Variants in ANK3 observed in about 807,000 individuals in gnomAD.
ANK3 encodes the protein ankyrin-3.
Under a neutral mutation model 370.9 loss-of-function variants are expected in ANK3, and 57 were observed. The ratio of observed to expected loss-of-function variants is 0.15; its 90% CI spans 0.12 to 0.19. ANK3 has a LOEUF of 0.19. ANK3 is among the 10% of genes least tolerant of loss of function. The probability of loss-of-function intolerance (pLI) is 1.00; values close to 1 mark genes in which losing one functional copy is unlikely to be tolerated. For synonymous variants in ANK3, 1,929 were observed against 1,946.3 expected (o/e 0.99, Z 0.23); for missense variants, 4,439 against 5,302.1 (o/e 0.84, Z 5.06).
In ANK3 at chr10:60,067,967, A is replaced by G; in HGVS notation, c.12287T>C (p.Ile4096Thr). 1.2e-6 allele frequency: 2 copies of G among 1,610,876 alleles called. No individual in the cohort carries two copies. The highest frequency in any genetic ancestry group is 1.1e-5 in the South Asian group (1 of 90,828). The change falls in exon 38 of 44, where the codon ATA (isoleucine) becomes ACA (threonine). Residue 4096 changes from isoleucine (I) to threonine (T), a missense_variant. By Grantham distance (89) the Ile-to-Thr change is moderately conservative. Transcript: ENST00000280772. Reference protein sequence around the residue: ...PCERTDIRMAIVADHLGLSWT... With the variant: ...PCERTDIRMATVADHLGLSWT... ...ACTAAGTCCCAGGTGATCGGCTACT[A>G]TTGCCATCCTGATATCTGTCCGTTC...
intron 25 of ANK3, among the ~76,000 whole-genome samples, chr10:60,132,371 C>G (rs867224194): frequency 6.6e-6 from 1 of 151,990 alleles, no homozygotes; most frequent in Non-Finnish European, 1.5e-5. Flanking sequence ...AGGTATTTCC[C>G]GTGCTGTTCT....
At chr10:60,154,782 G>A (rs1480442473) in intron 23 of ANK3, among the ~76,000 whole-genome samples, 1 of 152,220 alleles carries the variant, frequency 6.6e-6, no homozygotes, top group East Asian at 1.9e-4. Context: ...GCAACAGAGT[G>A]AGACTGTCTC....
At chr10:60,270,099 A>C (rs1301843151) in intron 5 of ANK3, 32 bp downstream of exon 5, 1 of 1,441,794 alleles carries the variant, frequency 6.9e-7, no homozygotes, top group Non-Finnish European at 9.4e-7. Context: ...TAAATACGTG[A>C]ACTCACCCAC....
At chr10:60,383,624 G>A (rs565563274) in intron 1 of ANK3, among the ~76,000 whole-genome samples, 2 of 152,192 alleles carry the variant, frequency 1.3e-5, no homozygotes, top group South Asian at 4.2e-4. Context: ...AGACAGACAT[G>A]TAAACACATA....
rs772604047 is a variant in ANK3, at chr10:60,108,920, T to C, written c.3083A>G (p.His1028Arg). The C allele has an allele frequency of 5.0e-6, 8 of 1,613,996 alleles. No individual in the cohort carries two copies. The highest frequency in any genetic ancestry group is 5.9e-6 in the Non-Finnish European group (7 of 1,179,988). ...CATGGGGGGTGGGTTGGCCAGTTTA[T>C]GTCTCTTTACCAAACGGCAGGTGAT... ...TRITCRLVKR[H>R]KLANPPPMVE... Residue 1028 changes from histidine to arginine, a missense_variant, in exon 27 of 44, where the codon CAT (histidine) becomes CGT (arginine). His to Arg is a conservative substitution (Grantham distance 29, BLOSUM62 0). Coordinates refer to ENST00000280772, the MANE Select transcript of ANK3 (RefSeq NM_020987.5).
At chr10:60,160,213 C>T (rs565534474) in intron 23 of ANK3, among the ~76,000 whole-genome samples, 24 of 151,866 alleles carry the variant, frequency 1.6e-4, no homozygotes, top group African/African-American at 5.3e-4. Context: ...GGGATGAAAA[C>T]GGAGACATTA....
rs2094235255 is a variant in ANK3, at chr10:60,134,383, T to G, written c.2739-10A>C. On this transcript the variant is annotated splice_polypyrimidine_tract_variant and intron_variant, in intron 24 of 43. Transcript: ENST00000280772. ...ACTGAAGGAGCGGAGGCTGTTGTAT[T>G]TACAGTTAACCATTCAACAGTGGTA... 1.9e-6 allele frequency: 3 copies of G among 1,607,084 alleles called. No individual in the cohort carries two copies. The South Asian group carries it at 3.3e-5, about 18-fold the overall frequency.
In ANK3 at chr10:60,266,194, C is replaced by T. The variant is rs184212088; in HGVS notation, c.514-2174G>A. Among the ~76,000 whole-genome samples the T allele has an allele frequency of 8.5e-4, 130 of 152,206 alleles. 1 individual carries two copies. The highest frequency in any genetic ancestry group is 3.0e-3 in the African/African-American group (126 of 41,520). ...ACAAAAACGATATCATAGGTTTACACTTAAAGACAGGAACTTTAGGATATA... is the reference window on the plus strand; with the variant it reads ...ACAAAAACGATATCATAGGTTTACATTTAAAGACAGGAACTTTAGGATATA... On this transcript the variant is annotated intron_variant, in intron 5 of 43. Coordinates refer to ENST00000280772, the MANE Select transcript of ANK3 (RefSeq NM_020987.5).
chr10:60,374,286 T>C (rs996950841), intron 1 of ANK3, among the ~76,000 whole-genome samples: 7 of 152,146 alleles, frequency 4.6e-5, no homozygotes, highest in African/African-American at 1.7e-4. Flanking sequence ...ATCAGATGTC[T>C]TCAGAAAAAC....
chr10:60,674,323 C>T (rs1369331357), intron 1 of ANK3, among the ~76,000 whole-genome samples: 8 of 152,144 alleles, frequency 5.3e-5, no homozygotes, highest in African/African-American at 1.9e-4. Context: ...GTTCTGCAGG[C>T]TGTACAGGAA....
In ANK3 at chr10:60,583,525, G is replaced by GT. The variant is rs112679282; in HGVS notation, c.96+31660dup. On this transcript the variant is annotated intron_variant, in intron 2 of 43. Transcript: ENST00000373827. ...AGAGGTTTTTTGTTTTTTGTTTTTT[G>GT]TTTTTTTTTGAGGTGGAATCTCGTT... Among the ~76,000 whole-genome samples the GT allele has an allele frequency of 1.1e-3, 100 of 87,476 alleles. 8 individuals are homozygous for GT. The highest frequency in any genetic ancestry group is 3.1e-3 in the African/African-American group (75 of 24,080). 57.4% of individuals were successfully genotyped at this position (87,476 alleles called of 152,430 possible).
intron 1 of ANK3, among the ~76,000 whole-genome samples, chr10:60,717,848 ATTTAGTAGAG>A (rs1219336827): frequency 6.6e-6 from 1 of 152,268 alleles, no homozygotes; most frequent in African/African-American, 2.4e-5. Context: ...GTCAAATTAA[ATTTAGTAGAG>A]TTTATTGGAG....
intron 42 of ANK3, among the ~76,000 whole-genome samples, chr10:60,045,566 C>T (rs754442406): frequency 3.3e-5 from 5 of 152,164 alleles, no homozygotes; most frequent in Non-Finnish European, 7.3e-5. Flanking sequence ...TAAGGATGGA[C>T]TAGTATTCCA....
intron 25 of ANK3, among the ~76,000 whole-genome samples, chr10:60,117,297 AC>A (rs1394439252): frequency 6.6e-6 from 1 of 152,200 alleles, no homozygotes; most frequent in African/African-American, 2.4e-5. Flanking sequence ...ATGAAGGAAG[AC>A]CCAAGAGCAC....
rs543918627 is a variant in ANK3, at chr10:60,444,140, G to A, written c.97-164501C>T. 7.3e-5 allele frequency among the ~76,000 whole-genome samples: 11 copies of A among 151,188 alleles called. No individual in the cohort carries two copies. The South Asian group carries it at 1.5e-3, about 20-fold the overall frequency. ...GGGATTGTGTTTATTTTCTTCTTTT[G>A]GCTTATTTTTTTCTACTTCTTACCT... On this transcript the variant is annotated intron_variant, in intron 2 of 43. Coordinates refer to the ANK3 transcript ENST00000373827.
intron 1 of ANK3, among the ~76,000 whole-genome samples, chr10:60,678,764 A>G (rs2079158128): frequency 6.6e-6 from 1 of 152,226 alleles, no homozygotes; most frequent in African/African-American, 2.4e-5. Flanking sequence ...CAGAAACAAA[A>G]TATTTGGAGG....
intron 2 of ANK3, among the ~76,000 whole-genome samples, chr10:60,477,003 C>G (rs2075082892): frequency 6.6e-6 from 1 of 151,918 alleles, no homozygotes; most frequent in South Asian, 2.1e-4. Context: ...GGAAAGAAAG[C>G]CTGCAAAAAA....
chr10:60,509,331 G>A (rs1204448088), intron 2 of ANK3, among the ~76,000 whole-genome samples: 2 of 151,784 alleles, frequency 1.3e-5, no homozygotes, highest in African/African-American at 2.4e-5. Context: ...AAATACCAAA[G>A]CATTTTACAT....
intron 7 of ANK3, among the ~76,000 whole-genome samples, chr10:60,240,167 T>TATATATACATATATACACATATATACGC (rs1565916306): frequency 3.1e-5 from 4 of 129,176 alleles, no homozygotes; most frequent in African/African-American, 1.0e-4. Flanking sequence ...TATATACACA[T>TATATATACATATATACACATATATACGC]ATATATACAT....
Sources: gnomAD v4.1 joint callset for allele counts (sites outside exome capture counted in the v4.1 genomes callset) on GRCh38, gnomAD v4.1.1 for gene constraint, MANE v1.5 for transcripts, NCBI Gene and HGNC (gene_info 2026-07-23, HGNC 2026-07-21) for gene names.